The following PLCH2 variants were observed in gnomAD, a reference collection of about 807,000 sequenced individuals.
The protein encoded by PLCH2 is phospholipase C eta 2, also known as 1-phosphatidylinositol 4,5-bisphosphate phosphodiesterase eta-2.
A neutral mutation model predicts 134.7 loss-of-function variants in PLCH2; 98 were observed. The ratio of observed to expected loss-of-function variants is 0.73; its 90% CI spans 0.62 to 0.86. The LOEUF (loss-of-function observed/expected upper bound fraction) is 0.86, where lower values mean the gene tolerates loss of function less well. PLCH2 is among the 40% of genes least tolerant of loss of function. The probability of loss-of-function intolerance (pLI) is 0.00; values close to 1 mark genes in which losing one functional copy is unlikely to be tolerated. For missense variants in PLCH2, 1,994 were observed against 1,986.6 expected (o/e 1.00, Z -0.07); for synonymous variants, 974 against 827.5 (o/e 1.18, Z -3.04).
At chr1:2,485,361 C>T (rs966015288) in intron 5 of PLCH2, among the ~76,000 whole-genome samples, 6 of 152,200 alleles carry the variant, frequency 3.9e-5, no homozygotes, top group East Asian at 3.8e-4. Context: ...AGGGGAAGGC[C>T]GGAGCCCCAG....
At chr1:2,494,712 CT>C in intron 11 of PLCH2, 143 bp from the exon 12 acceptor site, 1 of 659,430 alleles carries the variant, frequency 1.5e-6, no homozygotes, top group Non-Finnish European at 2.8e-6. Context: ...CCGCCCTGCC[CT>C]CCCCTCCCGT....
intron 4 of PLCH2, among the ~76,000 whole-genome samples, chr1:2,480,748 C>T (rs1462730688): frequency 2.6e-5 from 4 of 152,240 alleles, no homozygotes; most frequent in African/African-American, 7.2e-5. Flanking sequence ...CCATGCCGCC[C>T]TCGCCCAACC....
At position 2,498,963 on chromosome 1, in the gene PLCH2, G is replaced by A; in HGVS notation, c.2435-121G>A. ...CCTGGGCGCCCTCCCCTCTAGGTGG[G>A]CAGTCCCGGAAGCAGCACCGGGAGT... On this transcript the variant is annotated intron_variant, in intron 18 of 21. Transcript: ENST00000378486. The surrounding 1 kb of genome is among the most constrained non-coding windows in gnomAD (Gnocchi z 5.4). The A allele has an allele frequency of 2.8e-6, 4 of 1,404,384 alleles. No homozygotes were observed. The highest frequency in any genetic ancestry group is 3.9e-6 in the Non-Finnish European group (4 of 1,022,840). The allele number at this position is 1,404,384 out of a possible 1,614,324, so 87.0% of individuals were successfully genotyped here.
intron 2 of PLCH2, among the ~76,000 whole-genome samples, chr1:2,462,101 CCCCCTCCGCCTGACA>C (rs1443303726): frequency 1.4e-5 from 2 of 143,920 alleles, no homozygotes; most frequent in East Asian, 2.1e-4. Context: ...CCACCTGACA[CCCCCTCCGCCTGACA>C]CCCCTCCGCC....
intron 2 of PLCH2, 21 bp downstream of exon 2, chr1:2,478,643 G>A (rs758270194): frequency 6.0e-5 from 95 of 1,595,494 alleles, no homozygotes; most frequent in Middle Eastern, 1.7e-4. Flanking sequence ...GCCCTGGGGT[G>A]GGGACAAATC....
At chr1:2,494,798 C>A in intron 11 of PLCH2, 58 bp from the exon 12 acceptor site, 2 of 1,292,196 alleles carry the variant, frequency 1.5e-6, no homozygotes, top group South Asian at 1.3e-5. Context: ...GCTGTCCCGG[C>A]CTCCCTGCCT....
At chr1:2,417,274 A>C in the PLCH2 span, among the ~76,000 whole-genome samples, 1 of 152,120 alleles carries the variant, frequency 6.6e-6, no homozygotes, top group East Asian at 1.9e-4. Context: ...CCCAAAAAGG[A>C]GATCTGGGAG....
chr1:2,487,540 C>A, intron 7 of PLCH2, 58 bp from the exon 8 acceptor site: 1 of 1,573,888 alleles, frequency 6.4e-7, no homozygotes, highest in Non-Finnish European at 8.6e-7. Context: ...GAAGCTCAGC[C>A]TGCCTGGGCT....
upstream of PLCH2, among the ~76,000 whole-genome samples, chr1:2,422,556 A>G (rs1638573184): frequency 6.6e-6 from 1 of 152,194 alleles, no homozygotes; most frequent in African/African-American, 2.4e-5. Flanking sequence ...GATGAATGGT[A>G]GAGTTTCTTA....
chr1:2,426,765 C>T lies in PLCH2; in HGVS notation c.-178+728C>T, dbSNP rs115786378. Among the ~76,000 whole-genome samples, 1,380 of 152,312 alleles carry T rather than the reference C, an allele frequency of 9.1e-3. 18 individuals are homozygous for T. The highest frequency in any genetic ancestry group is 0.031 in the African/African-American group (1,298 of 41,566). ...GCACTTCCTGACACGGTTGTGGGGT[C>T]GGGGCTGCTGGGTTCTTTGTCTCCC... On this transcript the variant is annotated intron_variant, in intron 1 of 3. Coordinates refer to the PLCH2 transcript ENST00000609981.
At chr1:2,429,425 A>T (rs971448187) in intron 1 of PLCH2, among the ~76,000 whole-genome samples, 5 of 152,028 alleles carry the variant, frequency 3.3e-5, no homozygotes, top group Non-Finnish European at 7.4e-5. Flanking sequence ...ACCAAGGAAA[A>T]GGTGGCCAGA....
chr1:2,445,735 CACT>C (rs1288698790), intron 2 of PLCH2, among the ~76,000 whole-genome samples: 2 of 152,174 alleles, frequency 1.3e-5, no homozygotes, highest in Non-Finnish European at 2.9e-5. Flanking sequence ...CCGAGGCCCT[CACT>C]GCTGCTGCTG....
rs376195610 is a variant in PLCH2, at chr1:2,436,303, T to C, written c.115+5674T>C. Among the ~76,000 whole-genome samples the C allele has an allele frequency of 5.0e-3, 108 of 21,574 alleles. 4 individuals carry two copies. Among genetic ancestry groups the C allele is most frequent in the African/African-American group, 0.014 (71 of 4,926 alleles). The allele number at this position is 21,574 out of a possible 152,430, so 14.2% of individuals were successfully genotyped here. On this transcript the variant is annotated intron_variant, in intron 2 of 3. Transcript: ENST00000609981. ...TTCCTCCCTCCTCCTTTCCTCCTTC[T>C]TCCCTCCTCCCTTCCTCCCTCCTCC...
At chr1:2,428,304 G>A (rs980200812) in intron 1 of PLCH2, among the ~76,000 whole-genome samples, 10 of 152,236 alleles carry the variant, frequency 6.6e-5, no homozygotes, top group African/African-American at 2.4e-4. Flanking sequence ...AGCAGGCCTC[G>A]CTGGGGATGG....
upstream of PLCH2, among the ~76,000 whole-genome samples, chr1:2,424,858 C>T (rs1355007355): frequency 2.0e-5 from 3 of 152,152 alleles, no homozygotes; most frequent in South Asian, 2.1e-4. Flanking sequence ...TGGTGGCGGG[C>T]GCCTGTAGTC....
chr1:2,486,248 C>T (rs1642278296), intron 5 of PLCH2, among the ~76,000 whole-genome samples: 1 of 152,216 alleles, frequency 6.6e-6, no homozygotes, highest in African/African-American at 2.4e-5. Flanking sequence ...CAGAGTCCTC[C>T]AGCCGGCAAC....
At chr1:2,483,750 T>TGTTGACCCCCGTGTGGGGGGC (rs201177220) in intron 4 of PLCH2, among the ~76,000 whole-genome samples, 1,883 of 87,596 alleles carry the variant, frequency 0.021, 203 homozygotes, top group African/African-American at 0.065. Context: ...CAGAGTGTGT[T>TGTTGACCCCCGTGTGGGGGGC]GTTGACCCCC....
At chr1:2,416,426 C>A in the PLCH2 span, among the ~76,000 whole-genome samples, 1 of 152,188 alleles carries the variant, frequency 6.6e-6, no homozygotes, top group Non-Finnish European at 1.5e-5. Flanking sequence ...CCTCGGGAAG[C>A]CCCTCGCAGT....
rs928535617 is a variant in PLCH2, at chr1:2,437,125, G to A, written c.115+6496G>A. Reference sequence around the variant, plus strand: ...GGGTCAGGTGCTCAGTGTTGCCCTGGGGCCCAGTGGGCAGGTGAGGGAGCA... The same window carrying A: ...GGGTCAGGTGCTCAGTGTTGCCCTGAGGCCCAGTGGGCAGGTGAGGGAGCA... On this transcript the variant is annotated intron_variant, in intron 2 of 3. Coordinates refer to the PLCH2 transcript ENST00000609981. Among the ~76,000 whole-genome samples the A allele has an allele frequency of 3.9e-5, 6 of 152,338 alleles. No individual in the cohort carries two copies. In the East Asian group the frequency reaches 1.2e-3, roughly 29 times the overall value.
Sources: allele counts gnomAD v4.1 joint callset (sites outside exome capture counted in the v4.1 genomes callset), GRCh38; gene constraint gnomAD v4.1.1; non-coding constraint Gnocchi (gnomAD v3.1); transcripts MANE v1.5; gene names NCBI Gene and HGNC (gene_info 2026-07-23, HGNC 2026-07-21).